COL9A2: variants seen among roughly 807,000 people sequenced by gnomAD.
The protein encoded by COL9A2 is collagen alpha-2(IX) chain.
Under a neutral mutation model 111.6 loss-of-function variants are expected in COL9A2, and 66 were observed. That is an observed-to-expected ratio of 0.59 (90% confidence interval 0.48 to 0.73). The LOEUF (loss-of-function observed/expected upper bound fraction) is 0.73, where lower values mean the gene tolerates loss of function less well. COL9A2 is among the 30% of genes least tolerant of loss of function. COL9A2 has a pLI of 0.00. For missense variants in COL9A2, 881 were observed against 954.1 expected (o/e 0.92, Z 1.01); for synonymous variants, 353 against 364.1 (o/e 0.97, Z 0.35).
intron 20 of COL9A2, 87 bp from the exon 21 acceptor site, chr1:40,305,855 T>A (rs745668686): frequency 8.5e-7 from 1 of 1,174,542 alleles, no homozygotes; most frequent in Non-Finnish European, 1.3e-6. Flanking sequence ...AAACAGAGCC[T>A]GGAACCAGAT....
intron 19 of COL9A2, among the ~76,000 whole-genome samples, chr1:40,306,578 A>C (rs926428583): frequency 7.9e-5 from 12 of 152,130 alleles, no homozygotes; most frequent in African/African-American, 2.7e-4. Context: ...GATGGCCCTG[A>C]ACGATAAGAA....
rs781182527 is a variant in COL9A2 at position 40,304,542 on chromosome 1, G to A, written c.1162-13C>T. The A allele has an allele frequency of 6.2e-7, 1 of 1,613,998 alleles. No homozygotes were observed. The highest frequency in any genetic ancestry group is 8.5e-7 in the Non-Finnish European group (1 of 1,180,040). ...CGCCTTGGTCACCCTGAAATGGAAAGAGAAGGTCACAACCTCAGCAGCTCT... is the reference window on the plus strand; with the variant it reads ...CGCCTTGGTCACCCTGAAATGGAAAAAGAAGGTCACAACCTCAGCAGCTCT... On this transcript the variant is annotated splice_polypyrimidine_tract_variant and intron_variant, in intron 22 of 31. Transcript: ENST00000372748.
intron 4 of COL9A2, among the ~76,000 whole-genome samples, chr1:40,313,318 G>A (rs896482161): frequency 2.6e-5 from 4 of 152,086 alleles, no homozygotes; most frequent in African/African-American, 4.8e-5. Flanking sequence ...AGGGGCATGC[G>A]CCACCACGCT....
chr1:40,307,083 G>C lies in COL9A2; in HGVS notation c.1008+363C>G, dbSNP rs1442773387. ...TGGTTTTGAACTCCTGACCTCAAGT[G>C]ATCCACTCAGCTGAGCCTCCTGAAG... On this transcript the variant is annotated intron_variant, in intron 19 of 31. Coordinates refer to ENST00000372748, the MANE Select transcript of COL9A2 (RefSeq NM_001852.4). The surrounding 1 kb of genome is among the most constrained non-coding windows in gnomAD (Gnocchi z 4.8). Among the ~76,000 whole-genome samples, 1 of 152,110 alleles carries C rather than the reference G, an allele frequency of 6.6e-6. No homozygotes were observed. Among genetic ancestry groups the C allele is most frequent in the African/African-American group, 2.4e-5 (1 of 41,416 alleles).
intron 22 of COL9A2, 92 bp downstream of exon 22, chr1:40,304,702 C>T: frequency 2.1e-6 from 3 of 1,412,660 alleles, no homozygotes; most frequent in Middle Eastern, 2.2e-4. Context: ...CCTGGGGAGG[C>T]ATCTCACGGG....
Position 40,304,027 on chromosome 1 carries a change from G to A in COL9A2, c.1323+37C>T, listed in dbSNP as rs759213454. The stretch of plus-strand genomic sequence containing the variant: ...GGTGGCGGCGGGGACGCAGAGCAGG[G>A]TTGGGGGTCGCTGGGAACAGGGGTG... On this transcript the variant is annotated intron_variant, in intron 25 of 31. Transcript: ENST00000372748. 8.3e-6 allele frequency: 13 copies of A among 1,574,484 alleles called. No individual in the cohort carries two copies. The South Asian group carries it at 1.5e-4, about 18-fold the overall frequency.
intron 16 of COL9A2, among the ~76,000 whole-genome samples, chr1:40,309,406 C>T (rs1375864165): frequency 1.3e-5 from 2 of 150,898 alleles, no homozygotes; most frequent in Non-Finnish European, 2.9e-5. Context: ...AACTTAAAAC[C>T]GCTTCCCCCA....
At chr1:40,306,303 G>T in intron 19 of COL9A2, 116 bp from the exon 20 acceptor site, 1 of 1,121,700 alleles carries the variant, frequency 8.9e-7, no homozygotes. Context: ...CTGAACAACA[G>T]AAGGTCCAGC....
chr1:40,312,614 A>C lies in COL9A2; in HGVS notation c.304-5T>G. On this transcript the variant is annotated splice_region_variant and splice_polypyrimidine_tract_variant and intron_variant, in intron 5 of 31. Coordinates refer to ENST00000372748, the MANE Select transcript of COL9A2 (RefSeq NM_001852.4). The surrounding 1 kb of genome is among the most constrained non-coding windows in gnomAD (Gnocchi z 6.0). ...ACCAGGAAGCCCGGGCTGGCCCTGCAGAAGCAACGAGAAAGGCTCAGAGGC... is the reference window on the plus strand; with the variant it reads ...ACCAGGAAGCCCGGGCTGGCCCTGCCGAAGCAACGAGAAAGGCTCAGAGGC... 1 of 1,613,962 alleles carries C rather than the reference A, an allele frequency of 6.2e-7. No homozygotes were observed. The highest frequency in any genetic ancestry group is 8.5e-7 in the Non-Finnish European group (1 of 1,179,956).
rs1262902687 is a variant in COL9A2, at chr1:40,317,087, C to T, written c.75+36G>A. On this transcript the variant is annotated intron_variant, in intron 1 of 31. Transcript: ENST00000372748. This position sits in a 1 kb window ranked among gnomAD's most constrained non-coding sequence, Gnocchi z 4.3. Reference sequence around the variant, plus strand: ...CCATCCCGGACTCCAGACCCCGCACCCTGGACCCTGGCAGCGGAGGGGCTG... The same window carrying T: ...CCATCCCGGACTCCAGACCCCGCACTCTGGACCCTGGCAGCGGAGGGGCTG... 13 of 1,547,838 alleles carry T rather than the reference C, an allele frequency of 8.4e-6. No individual in the cohort carries two copies. The highest frequency in any genetic ancestry group is 1.2e-5 in the South Asian group (1 of 84,062).
rs1314555899 is a variant in COL9A2 at position 40,304,073 on chromosome 1, G to A, written c.1314C>T (p.Arg438=). 1.3e-6 allele frequency: 2 copies of A among 1,575,604 alleles called. No homozygotes were observed. The highest frequency in any genetic ancestry group is 1.7e-4 in the Middle Eastern group (1 of 5,910). Residue 438 remains arginine, a synonymous_variant, in exon 25 of 32, where the codon CGC becomes CGT. Transcript: ENST00000372748. ...DKGSPGKTGP[R]GKVGDPGVAG... ...GGGTGCTGGAACTCACCACTTTGCC[G>A]CGGGGCCCGGTCTTCCCTGGGGAGC...
intron 16 of COL9A2, among the ~76,000 whole-genome samples, chr1:40,309,642 A>G (rs1290749293): frequency 6.6e-6 from 1 of 151,770 alleles, no homozygotes; most frequent in Non-Finnish European, 1.5e-5. Context: ...ACACACACAC[A>G]CTCACTCACA....
rs34036643 is a variant in COL9A2 at position 40,312,212 on chromosome 1, CTTTT to C, written c.364-104_364-101del. ...CCCAAAGCCCGTTTCTCCACTTTTACTTTTTTTTTTTTTTTGCCAACCCCAGAGA... is the reference window on the plus strand; with the variant it reads ...CCCAAAGCCCGTTTCTCCACTTTTACTTTTTTTTTTTGCCAACCCCAGAGA... On this transcript the variant is annotated intron_variant, in intron 7 of 31. Coordinates refer to ENST00000372748, the MANE Select transcript of COL9A2 (RefSeq NM_001852.4). This position sits in a 1 kb window ranked among gnomAD's most constrained non-coding sequence, Gnocchi z 6.0. 1.3e-4 allele frequency: 122 copies of C among 925,968 alleles called. No individual in the cohort carries two copies. Among genetic ancestry groups the C allele is most frequent in the Middle Eastern group, 5.0e-4 (2 of 4,018 alleles). 57.4% of individuals were successfully genotyped at this position (925,968 alleles called of 1,614,324 possible).
Position 40,317,199 on chromosome 1 carries a change from G to A in COL9A2, c.-2C>T, listed in dbSNP as rs1198675896. The A allele has an allele frequency of 2.5e-6, 4 of 1,571,160 alleles. No individual in the cohort carries two copies. The highest frequency in any genetic ancestry group is 3.7e-5 in the Admixed American group (2 of 53,446). ...GGGGGAGGCCGTAGCGGCGGCCATGGCTGGCGGCGAGACCAAGGGGGACGG... is the reference window on the plus strand; with the variant it reads ...GGGGGAGGCCGTAGCGGCGGCCATGACTGGCGGCGAGACCAAGGGGGACGG... On this transcript the variant is annotated 5_prime_UTR_variant, in exon 1 of 32. Coordinates refer to ENST00000372748, the MANE Select transcript of COL9A2 (RefSeq NM_001852.4). The surrounding 1 kb of genome is among the most constrained non-coding windows in gnomAD (Gnocchi z 4.3).
At position 40,315,482 on chromosome 1, in the gene COL9A2, G is replaced by A; in HGVS notation, c.150+108C>T. Reference sequence around the variant, plus strand: ...CGGCGCCGCCTATTGGCGACGAGGGGCACTACATCTCCGGGCACCCCGAAG... The same window carrying A: ...CGGCGCCGCCTATTGGCGACGAGGGACACTACATCTCCGGGCACCCCGAAG... On this transcript the variant is annotated intron_variant, in intron 2 of 31. Transcript: ENST00000372748. 4 of 1,473,382 alleles carry A rather than the reference G, an allele frequency of 2.7e-6. No homozygotes were observed. The Admixed American group carries it at 7.4e-5, about 27-fold the overall frequency. The allele number at this position is 1,473,382 out of a possible 1,614,324, so 91.3% of individuals were successfully genotyped here. A position where few individuals can be genotyped will look rare whatever the true frequency, so the allele number is the denominator to read the frequency against.
rs200424850 is a variant in COL9A2 at position 40,315,645 on chromosome 1, C to T, written c.95G>A (p.Arg32Gln). The change falls in exon 2 of 32, where the codon CGG becomes CAG. Residue 32 changes from arginine (R) to glutamine (Q), a missense_variant. Physicochemically the swap from Arg to Gln is conservative, Grantham distance 43 (BLOSUM62 1). Transcript: ENST00000372748. The stretch of plus-strand genomic sequence containing the variant: ...CGGTCCCGGGGGACCCGGGGGGCCC[C>T]GCTCTCCCGGTGGACCTCTCTGAAA... Reference protein sequence around the residue: ...LAQIRGPPGERGPPGPPGPPG... With the variant: ...LAQIRGPPGEQGPPGPPGPPG... 851 of 1,554,080 alleles carry T rather than the reference C, an allele frequency of 5.5e-4. 2 individuals are homozygous for T. In the African/African-American group the frequency reaches 0.01, roughly 19 times the overall value.
intron 16 of COL9A2, 42 bp from the exon 17 acceptor site, chr1:40,308,287 GC>G: frequency 6.3e-7 from 1 of 1,594,020 alleles, no homozygotes. Flanking sequence ...AGGATGTTGG[GC>G]CCCTGTCTGG....
intron 31 of COL9A2, 112 bp downstream of exon 31, chr1:40,301,700 A>C (rs1643917041): frequency 9.6e-7 from 1 of 1,046,924 alleles, no homozygotes; most frequent in Non-Finnish European, 1.4e-6. Flanking sequence ...GCTGGGTATC[A>C]AGGACTGAGC....
Position 40,312,114 on chromosome 1 carries a change from TG to T in COL9A2, c.364-3del. 1 of 1,599,674 alleles carries T rather than the reference TG, an allele frequency of 6.3e-7. No homozygotes were observed. Among genetic ancestry groups the T allele is most frequent in the Non-Finnish European group, 8.5e-7 (1 of 1,175,010 alleles). Reference sequence around the variant, plus strand: ...GAGGCCAACAGGTCCAGGAGGCCCCTGGGGAGCAGAGAGTTGATGGTCAGGA... The same window carrying T: ...GAGGCCAACAGGTCCAGGAGGCCCCTGGGAGCAGAGAGTTGATGGTCAGGA... On this transcript the variant is annotated splice_region_variant and splice_polypyrimidine_tract_variant and intron_variant, in intron 7 of 31. Transcript: ENST00000372748. This position sits in a 1 kb window ranked among gnomAD's most constrained non-coding sequence, Gnocchi z 6.0.
Sources: gnomAD v4.1 joint callset for allele counts (sites outside exome capture counted in the v4.1 genomes callset) on GRCh38, gnomAD v4.1.1 for gene constraint, Gnocchi (gnomAD v3.1) non-coding constraint, MANE v1.5 for transcripts, NCBI Gene and HGNC (gene_info 2026-07-23, HGNC 2026-07-21) for gene names.